The following GALNT17 variants were observed in gnomAD, a reference collection of about 807,000 sequenced individuals.
GALNT17 encodes UDP-GalNAc:polypeptide N-acetylgalactosaminyltransferase-like 3.
Under a neutral mutation model 63.7 loss-of-function variants are expected in GALNT17, and 29 were observed. The ratio of observed to expected loss-of-function variants is 0.46; its 90% CI spans 0.34 to 0.62. GALNT17 has a LOEUF of 0.62. GALNT17 is among the 20% of genes least tolerant of loss of function. The probability of loss-of-function intolerance (pLI) is 0.01; values close to 1 mark genes in which losing one functional copy is unlikely to be tolerated. For synonymous variants in GALNT17, 305 were observed against 318.3 expected, an observed-to-expected ratio of 0.96 and a Z score of 0.45; for missense variants, 603 against 799.6, an observed-to-expected ratio of 0.75 and a Z score of 2.97.
intron 5 of GALNT17, among the ~76,000 whole-genome samples, chr7:71,459,499 A>G (rs936854937): frequency 1.3e-5 from 2 of 152,224 alleles, no homozygotes; most frequent in Non-Finnish European, 1.5e-5. Context: ...CCAAATATCT[A>G]AGAGACCTGG....
intron 5 of GALNT17, among the ~76,000 whole-genome samples, chr7:71,427,894 G>A (rs1339654962): frequency 4.6e-5 from 7 of 152,120 alleles, no homozygotes; most frequent in Admixed American, 2.6e-4. Flanking sequence ...TGTAGGTTAC[G>A]TGTTGCTTAT....
chr7:71,670,269 TA>T (rs1294303529), intron 8 of GALNT17, among the ~76,000 whole-genome samples, 160 bp downstream of exon 8: 4 of 151,984 alleles, frequency 2.6e-5, no homozygotes, highest in African/African-American at 9.7e-5. Flanking sequence ...GGGGTTGGGG[TA>T]GGGAACAAAT....
intron 5 of GALNT17, among the ~76,000 whole-genome samples, chr7:71,503,164 C>T (rs886444303): frequency 6.6e-6 from 1 of 151,906 alleles, no homozygotes; most frequent in Non-Finnish European, 1.5e-5. Flanking sequence ...ACTTCCTTGT[C>T]TTCTCACTCC....
At chr7:71,296,589 C>T (rs1027882362) in intron 1 of GALNT17, among the ~76,000 whole-genome samples, 1 of 151,032 alleles carries the variant, frequency 6.6e-6, no homozygotes, top group Non-Finnish European at 1.5e-5. Flanking sequence ...GCACTCCAGC[C>T]TGGGCAACAG....
intron 1 of GALNT17, among the ~76,000 whole-genome samples, chr7:71,285,530 G>A (rs1790857869): frequency 6.6e-6 from 1 of 152,188 alleles, no homozygotes; most frequent in South Asian, 2.1e-4. Context: ...ATGTTAGTGT[G>A]TTCCCAAAAT....
intron 6 of GALNT17, among the ~76,000 whole-genome samples, chr7:71,601,557 A>C (rs967573179): frequency 6.6e-6 from 1 of 152,064 alleles, no homozygotes; most frequent in Non-Finnish European, 1.5e-5. Flanking sequence ...TGAGGTGGAA[A>C]GATCATTTGA....
At chr7:71,652,425 C>T (rs1474880006) in intron 6 of GALNT17, among the ~76,000 whole-genome samples, 1 of 152,138 alleles carries the variant, frequency 6.6e-6, no homozygotes, top group African/African-American at 2.4e-5. Flanking sequence ...TTGATTTAAA[C>T]TGGGAAAAGT....
At position 71,195,657 on chromosome 7, in the gene GALNT17, C is replaced by T. The variant is rs115230344; in HGVS notation, c.238+62617C>T. Among the ~76,000 whole-genome samples, 434 of 150,302 alleles carry T rather than the reference C, an allele frequency of 2.9e-3. 4 individuals are homozygous for T. The highest frequency in any genetic ancestry group is 9.9e-3 in the African/African-American group (406 of 40,840). On this transcript the variant is annotated intron_variant, in intron 1 of 10. Transcript: ENST00000333538. Reference sequence around the variant, plus strand: ...CGGACTCCTGGGCTCCAGTGACCCTCTCTCCTCAGCCTCCTAAGTAGCTGG... The same window carrying T: ...CGGACTCCTGGGCTCCAGTGACCCTTTCTCCTCAGCCTCCTAAGTAGCTGG...
intron 1 of GALNT17, among the ~76,000 whole-genome samples, chr7:71,321,903 C>CTTCT (rs1791617195): frequency 1.3e-5 from 1 of 78,496 alleles, no homozygotes; most frequent in Non-Finnish European, 2.6e-5. Context: ...TCCTTCCTTC[C>CTTCT]TTCCTTCCTT....
intron 5 of GALNT17, among the ~76,000 whole-genome samples, chr7:71,528,736 T>C (rs572858985): frequency 4.6e-5 from 7 of 152,176 alleles, no homozygotes; most frequent in Admixed American, 2.0e-4. Context: ...AAAGAACTTA[T>C]CTATATAACC....
At chr7:71,325,704 G>A (rs1046498897) in intron 1 of GALNT17, among the ~76,000 whole-genome samples, 1 of 152,062 alleles carries the variant, frequency 6.6e-6, no homozygotes, top group Admixed American at 6.6e-5. Context: ...CACAGACATC[G>A]GCAGAGTGAT....
chr7:71,339,236 T>C (rs1433236073), intron 2 of GALNT17, among the ~76,000 whole-genome samples: 2 of 152,220 alleles, frequency 1.3e-5, no homozygotes, highest in African/African-American at 2.4e-5. Context: ...AGTCCTTGCC[T>C]ACTTACTTCT....
At chr7:71,515,995 A>C (rs553404793) in intron 5 of GALNT17, among the ~76,000 whole-genome samples, 1 of 152,220 alleles carries the variant, frequency 6.6e-6, no homozygotes, top group South Asian at 2.1e-4. Flanking sequence ...ATATCAAAGG[A>C]GGGAGGGGAT....
At chr7:71,278,698 G>A (rs576425130) in intron 1 of GALNT17, among the ~76,000 whole-genome samples, 109 of 152,198 alleles carry the variant, frequency 7.2e-4, no homozygotes, top group Non-Finnish European at 1.3e-3. Flanking sequence ...GAAGTGCTGA[G>A]CAGAAGGGGG....
chr7:71,330,512 C>T (rs1393277517), intron 1 of GALNT17, among the ~76,000 whole-genome samples: 3 of 152,198 alleles, frequency 2.0e-5, no homozygotes, highest in Non-Finnish European at 4.4e-5. Context: ...ATCCTACCTC[C>T]TCAGCCTCTC....
chr7:71,613,831 A>G (rs371763170), intron 6 of GALNT17, among the ~76,000 whole-genome samples: 2 of 143,600 alleles, frequency 1.4e-5, no homozygotes, highest in East Asian at 4.0e-4. Flanking sequence ...GGACATGGTG[A>G]TGCACACCTG....
chr7:71,645,876 C>T (rs957405464), intron 6 of GALNT17, among the ~76,000 whole-genome samples: 8 of 152,224 alleles, frequency 5.3e-5, no homozygotes, highest in African/African-American at 1.7e-4. Context: ...TTCACATAGA[C>T]GGGTCATGTC....
At chr7:71,237,433 G>A (rs867355824) in intron 1 of GALNT17, among the ~76,000 whole-genome samples, 23 of 148,892 alleles carry the variant, frequency 1.5e-4, no homozygotes, top group East Asian at 8.0e-4. Flanking sequence ...TAATCCCAGC[G>A]CTTTGGGAGG....
intron 3 of GALNT17, among the ~76,000 whole-genome samples, chr7:71,404,307 T>G (rs1477525750): frequency 6.6e-6 from 1 of 152,226 alleles, no homozygotes; most frequent in Non-Finnish European, 1.5e-5. Flanking sequence ...CTTTGGTATT[T>G]TGCACCTCAC....
Sources: gnomAD v4.1 joint callset for allele counts (sites outside exome capture counted in the v4.1 genomes callset) on GRCh38, gnomAD v4.1.1 for gene constraint, MANE v1.5 for transcripts, NCBI Gene and HGNC (gene_info 2026-07-23, HGNC 2026-07-21) for gene names.